The following EPHA6 variants were observed in gnomAD, a reference collection of about 807,000 sequenced individuals.
EPHA6 encodes the protein EPH receptor A6, also known as ephrin type-A receptor 6.
A neutral mutation model predicts 112.0 loss-of-function variants in EPHA6; 50 were observed. That is an observed-to-expected ratio of 0.45 (90% CI 0.36 to 0.56). The LOEUF (loss-of-function observed/expected upper bound fraction) is 0.56. Among genes scored for constraint, EPHA6 ranks in the 20% least tolerant of loss-of-function variants. EPHA6 has a pLI of 0.00. For synonymous variants in EPHA6, 529 were observed against 490.7 expected (o/e 1.08, Z -1.03); for missense variants, 1,280 against 1,417.4 (o/e 0.90, Z 1.56).
chr3:96,910,625 T>G (rs1328229440), intron 2 of EPHA6, among the ~76,000 whole-genome samples: 1 of 152,062 alleles, frequency 6.6e-6, no homozygotes, highest in Non-Finnish European at 1.5e-5. Flanking sequence ...AACTTGGCCT[T>G]TAAACTTGTT....
At chr3:97,358,122 T>C (rs775436839) in intron 5 of EPHA6, among the ~76,000 whole-genome samples, 10 of 152,206 alleles carry the variant, frequency 6.6e-5, no homozygotes, top group Non-Finnish European at 8.8e-5. Flanking sequence ...CACTTTTCTA[T>C]TTGTCTTCTA....
chr3:97,140,697 C>T (rs1340137860), intron 3 of EPHA6, among the ~76,000 whole-genome samples: 1 of 151,956 alleles, frequency 6.6e-6, no homozygotes, highest in Non-Finnish European at 1.5e-5. Context: ...AACCTAGAAA[C>T]AAAAAGACAA....
At chr3:97,351,757 A>G (rs1030240569) in intron 5 of EPHA6, among the ~76,000 whole-genome samples, 1 of 152,172 alleles carries the variant, frequency 6.6e-6, no homozygotes, top group Non-Finnish European at 1.5e-5. Context: ...GTTAACTTAT[A>G]TGTCATAAAA....
intron 6 of EPHA6, among the ~76,000 whole-genome samples, chr3:97,417,063 A>G (rs1242036981): frequency 6.6e-6 from 1 of 152,220 alleles, no homozygotes; most frequent in Admixed American, 6.5e-5. Flanking sequence ...AAAATATAAC[A>G]CCATTTCAAA....
chr3:97,404,980 T>G (rs1682988562), intron 5 of EPHA6, among the ~76,000 whole-genome samples, 170 bp from the exon 6 acceptor site: 2 of 152,334 alleles, frequency 1.3e-5, no homozygotes, highest in South Asian at 4.1e-4. Context: ...ATTTAATGCC[T>G]TATTTGGATC....
At chr3:97,513,285 T>C (rs2107597525) in intron 10 of EPHA6, among the ~76,000 whole-genome samples, 1 of 152,306 alleles carries the variant, frequency 6.6e-6, no homozygotes, top group East Asian at 1.9e-4. Context: ...GATCCATCAA[T>C]CCCACCACTG....
chr3:97,742,153 C>T (rs2035531521), intron 16 of EPHA6, among the ~76,000 whole-genome samples: 2 of 152,138 alleles, frequency 1.3e-5, no homozygotes, highest in South Asian at 4.1e-4. Context: ...TTCTTTTTCT[C>T]ACTATGGCAG....
At chr3:96,953,140 G>A (rs1054945259) in intron 2 of EPHA6, among the ~76,000 whole-genome samples, 5 of 151,732 alleles carry the variant, frequency 3.3e-5, no homozygotes, top group African/African-American at 4.8e-5. Context: ...TGCTAAGTTA[G>A]GTTTTCCATC....
chr3:97,509,434 T>TTTGC (rs2092323817), intron 10 of EPHA6, among the ~76,000 whole-genome samples: 1 of 152,148 alleles, frequency 6.6e-6, no homozygotes, highest in South Asian at 2.1e-4. Context: ...TTATTTCTCC[T>TTTGC]TTGCTTGTGA....
intron 12 of EPHA6, among the ~76,000 whole-genome samples, chr3:97,601,356 A>G (rs1333341937): frequency 6.6e-6 from 1 of 152,148 alleles, no homozygotes; most frequent in African/African-American, 2.4e-5. Context: ...AATTGGGAAC[A>G]TAATAAGAAA....
At chr3:96,815,895 A>G (rs1325340160) in intron 1 of EPHA6, among the ~76,000 whole-genome samples, 2 of 152,196 alleles carry the variant, frequency 1.3e-5, no homozygotes, top group African/African-American at 4.8e-5. Flanking sequence ...AAACAACCAT[A>G]AAAGTTTCCC....
chr3:97,648,767 C>G (rs144865106), intron 14 of EPHA6, among the ~76,000 whole-genome samples: 1 of 152,064 alleles, frequency 6.6e-6, no homozygotes, highest in South Asian at 2.1e-4. Flanking sequence ...AACCAATGCA[C>G]TGAATAAAAG....
At position 97,759,617 on chromosome 3, in the gene EPHA6, T is replaced by A. The variant is rs1397375528; in HGVS notation, c.*10916T>A. The A allele has an allele frequency of 4.3e-6, 1 of 230,572 alleles. No homozygotes were observed. The highest frequency in any genetic ancestry group is 6.2e-5 in the East Asian group (1 of 16,204). 14.3% of individuals were successfully genotyped at this position (230,572 alleles called of 1,614,324 possible). A position where few individuals can be genotyped will look rare whatever the true frequency, so the allele number is the denominator to read the frequency against. ...GGTTAATTTTTGATAGGTGCCGGAATATAGAACTCCAATGAAAGGAAGGCA... is the reference window on the plus strand; with the variant it reads ...GGTTAATTTTTGATAGGTGCCGGAAAATAGAACTCCAATGAAAGGAAGGCA... On this transcript the variant is annotated 3_prime_UTR_variant, in exon 18 of 18. Coordinates refer to ENST00000389672, the MANE Select transcript of EPHA6 (RefSeq NM_001080448.3).
At chr3:97,046,033 A>G (rs1414091915) in intron 3 of EPHA6, among the ~76,000 whole-genome samples, 1 of 152,140 alleles carries the variant, frequency 6.6e-6, no homozygotes, top group Admixed American at 6.5e-5. Context: ...GAAAATCTCT[A>G]TTTTATGCAA....
intron 8 of EPHA6, among the ~76,000 whole-genome samples, chr3:97,477,913 G>GA (rs1560050033): frequency 6.6e-6 from 1 of 151,952 alleles, no homozygotes; most frequent in South Asian, 2.1e-4. Context: ...ACTATACTGT[G>GA]AAAAAATAGG....
chr3:97,011,843 A>G (rs1157111936), intron 3 of EPHA6, among the ~76,000 whole-genome samples: 2 of 152,088 alleles, frequency 1.3e-5, no homozygotes, highest in Non-Finnish European at 1.5e-5. Context: ...TGCCATCTTT[A>G]TATACATGAG....
chr3:96,844,134 G>C (rs934328497), intron 1 of EPHA6, among the ~76,000 whole-genome samples: 7 of 151,964 alleles, frequency 4.6e-5, no homozygotes, highest in African/African-American at 1.7e-4. Flanking sequence ...AGGAGTATCA[G>C]CTCACCTGTA....
In EPHA6 at chr3:97,510,047, A is replaced by G. The variant is rs185130774; in HGVS notation, c.2201-22311A>G. ...GTTTTTCAGCTCCATCAGGTCATTT[A>G]TGTTCTTCTCTAAACTGATTATTCT... On this transcript the variant is annotated intron_variant, in intron 10 of 17. Transcript: ENST00000389672. 3.3e-5 allele frequency among the ~76,000 whole-genome samples: 5 copies of G among 152,270 alleles called. No homozygotes were observed. In the East Asian group the frequency reaches 9.7e-4, roughly 29 times the overall value.
chr3:97,343,626 T>C (rs2083411589), intron 5 of EPHA6, among the ~76,000 whole-genome samples: 1 of 151,950 alleles, frequency 6.6e-6, no homozygotes. Context: ...AAGCCAAGGA[T>C]AGAGAGGAAA....
Sources: allele counts gnomAD v4.1 joint callset (sites outside exome capture counted in the v4.1 genomes callset), GRCh38; gene constraint gnomAD v4.1.1; transcripts MANE v1.5; gene names NCBI Gene and HGNC (gene_info 2026-07-23, HGNC 2026-07-21).